FAAP100: variants seen among roughly 807,000 people sequenced by gnomAD.
The protein encoded by FAAP100 is Fanconi anemia core complex-associated protein 100.
In FAAP100, 46 loss-of-function variants were observed where a neutral mutation model predicts 65.8. That is an observed-to-expected ratio of 0.70 (90% CI 0.55 to 0.89). The LOEUF (loss-of-function observed/expected upper bound fraction) is 0.89. Among genes scored for constraint, FAAP100 ranks in the 40% least tolerant of loss-of-function variants. The pLI, the probability that FAAP100 is intolerant of heterozygous loss-of-function variation, is 0.00. For synonymous variants in FAAP100, 663 were observed against 555.1 expected (o/e 1.19, Z -2.73); for missense variants, 1,165 against 1,196.7 (o/e 0.97, Z 0.39).
intron 3 of FAAP100, 66 bp downstream of exon 3, chr17:81,550,182 A>G: frequency 7.0e-7 from 1 of 1,427,288 alleles, no homozygotes; most frequent in South Asian, 1.3e-5. Context: ...GCCTGATAGT[A>G]GCAGACAGCC....
At chr17:81,546,850 T>C (rs1425231866) in intron 5 of FAAP100, 59 bp downstream of exon 5, 1 of 1,331,444 alleles carries the variant, frequency 7.5e-7, no homozygotes, top group Non-Finnish European at 9.7e-7. Context: ...CAAGTTCCTG[T>C]CTCTTAAAAA....
chr17:81,551,713 C>T, intron 2 of FAAP100: 1 of 1,336,606 alleles, frequency 7.5e-7, no homozygotes, highest in Non-Finnish European at 9.5e-7. Context: ...GTGGGCTTAA[C>T]CATGTGAACC....
Position 81,547,951 on chromosome 17 carries a change from C to T in FAAP100, c.1404-273G>A, listed in dbSNP as rs374278290. ...GAGGACAGAGGATGAAGCTGGTGCT[C>T]CGGGGACCTAGGCTAATCTGCCAGG... On this transcript the variant is annotated intron_variant, in intron 4 of 8. Transcript: ENST00000327787. The T allele has an allele frequency of 1.6e-4, 111 of 703,988 alleles. 1 individual carries two copies. Among genetic ancestry groups the T allele is most frequent in the East Asian group, 9.9e-4 (37 of 37,288 alleles). 43.6% of individuals were successfully genotyped at this position (703,988 alleles called of 1,614,324 possible). A position where few individuals can be genotyped will look rare whatever the true frequency, so the allele number is the denominator to read the frequency against.
chr17:81,540,303 C>A lies in FAAP100; in HGVS notation c.*516G>T. On this transcript the variant is annotated 3_prime_UTR_variant, in exon 9 of 9. Coordinates refer to ENST00000327787, the MANE Select transcript of FAAP100 (RefSeq NM_025161.6). ...TACCTCGGGGTCCCAGAGTGGGCAG[C>A]CGGGCAGGTGTGAACAGTGTGACAA... The A allele has an allele frequency of 2.5e-6, 1 of 398,922 alleles. No individual in the cohort carries two copies. The highest frequency in any genetic ancestry group is 4.4e-6 in the Non-Finnish European group (1 of 226,146). The allele number at this position is 398,922 out of a possible 1,614,324, so 24.7% of individuals were successfully genotyped here.
intron 3 of FAAP100, 75 bp from the exon 4 acceptor site, chr17:81,549,437 T>C (rs903998985): frequency 6.6e-6 from 10 of 1,516,798 alleles, no homozygotes; most frequent in African/African-American, 1.4e-5. Flanking sequence ...GGTGTTTCCC[T>C]GGACTCCAGG....
chr17:81,552,028 C>G lies in FAAP100; in HGVS notation c.190G>C (p.Val64Leu), dbSNP rs753798229. The change falls in exon 2 of 9, where the codon GTG becomes CTG. Residue 64 changes from valine (V) to leucine (L), a missense_variant. Val to Leu is a conservative substitution (Grantham distance 32). Coordinates refer to ENST00000327787, the MANE Select transcript of FAAP100 (RefSeq NM_025161.6). ...GGCGCCAGCAGCTCCAGGTGCCACA[C>G]CTGGTCGGGGAACCGGAACGCCGCC... ...LTAAFRFPDQ[V>L]WHLELLAPRR... 1 of 1,544,354 alleles carries G rather than the reference C, an allele frequency of 6.5e-7. No individual in the cohort carries two copies. Among genetic ancestry groups the G allele is most frequent in the South Asian group, 1.2e-5 (1 of 84,064 alleles).
chr17:81,541,987 G>A (rs975367381), intron 7 of FAAP100, among the ~76,000 whole-genome samples: 5 of 151,556 alleles, frequency 3.3e-5, no homozygotes, highest in Admixed American at 2.0e-4. Context: ...CTAAAACGGT[G>A]AAACCCCGTC....
chr17:81,543,987 C>G lies in FAAP100; in HGVS notation c.2427+17G>C. On this transcript the variant is annotated intron_variant, in intron 7 of 8. Coordinates refer to ENST00000327787, the MANE Select transcript of FAAP100 (RefSeq NM_025161.6). ...GACCCACAGATCCTGGCCACCTTCC[C>G]CAGCGGGCCGACATACCTGCATGCG... is the stretch of plus-strand genomic sequence containing the variant. The G allele has an allele frequency of 6.2e-7, 1 of 1,600,118 alleles. No homozygotes were observed. Among genetic ancestry groups the G allele is most frequent in the Non-Finnish European group, 8.5e-7 (1 of 1,170,608 alleles).
At chr17:81,544,906 C>G (rs1164796517) in intron 6 of FAAP100, among the ~76,000 whole-genome samples, 1 of 152,196 alleles carries the variant, frequency 6.6e-6, no homozygotes, top group Admixed American at 6.5e-5. Context: ...CAGTGGCTCA[C>G]GCCTGTAATC....
chr17:81,550,542 G>A lies in FAAP100; in HGVS notation c.952C>T (p.His318Tyr), dbSNP rs751603864. 1.6e-5 allele frequency: 25 copies of A among 1,612,784 alleles called. No homozygotes were observed. In the African/African-American group the frequency reaches 2.3e-4, roughly 15 times the overall value. ...GCCTTGATGGCCAGCATCCGGCCGT[G>A]GTGACCAAAGGCCACCAGGCAGTCA... is the stretch of plus-strand genomic sequence containing the variant. The part of the protein sequence containing the change: ...HCDCLVAFGH[H>Y]GRMLAIKASW... The change falls in exon 3 of 9, where the codon CAC becomes TAC. Residue 318 changes from histidine (H) to tyrosine (Y), a missense_variant. Transcript: ENST00000327787.
At position 81,540,820 on chromosome 17, in the gene FAAP100, C is replaced by T. The variant is rs2033063404; in HGVS notation, c.2645G>A (p.Ter882=). The part of the protein sequence containing the change: ...QLRHPSLILL[*] ...GAGCCCAGGGGCAGGCCCGCCTGGT[C>T]ACAGCAGGATGAGGCTGGGGTGGCG... Residue 882 remains the stop codon, a stop_retained_variant, in exon 9 of 9, where the codon TGA becomes TAA. Transcript: ENST00000327787. 2 of 1,524,040 alleles carry T rather than the reference C, an allele frequency of 1.3e-6. No individual in the cohort carries two copies. The highest frequency in any genetic ancestry group is 1.8e-6 in the Non-Finnish European group (2 of 1,136,334). 94.4% of individuals were successfully genotyped at this position (1,524,040 alleles called of 1,614,324 possible).
chr17:81,547,225 A>G lies in FAAP100; in HGVS notation c.1857T>C (p.Ser619=), dbSNP rs767317774. Residue 619 remains serine (S), a synonymous_variant, in exon 5 of 9, where the codon TCT becomes TCC. Transcript: ENST00000327787. ...GGCACTCATCCAGAAAGGGGTCCTC[A>G]GAGTCTGAGGGGGCAAGGGCCCCGC... is the stretch of plus-strand genomic sequence containing the variant. The part of the protein sequence containing the change: ...VVGGALAPSD[S]EDPFLDECPS... 1.3e-5 allele frequency: 21 copies of G among 1,576,070 alleles called. No individual in the cohort carries two copies. Among genetic ancestry groups the G allele is most frequent in the Non-Finnish European group, 1.7e-5 (20 of 1,158,400 alleles).
chr17:81,544,818 C>T (rs1300949665), intron 6 of FAAP100, among the ~76,000 whole-genome samples: 9 of 152,228 alleles, frequency 5.9e-5, no homozygotes, highest in Non-Finnish European at 1.0e-4. Context: ...AGCATCAGGG[C>T]TGAAAGGGCT....
intron 6 of FAAP100, 104 bp downstream of exon 6, chr17:81,545,642 G>A (rs2033271714): frequency 7.1e-7 from 1 of 1,416,406 alleles, no homozygotes. Flanking sequence ...GGAAAAGGCT[G>A]CCAGGCCCCC....
intron 7 of FAAP100, among the ~76,000 whole-genome samples, chr17:81,542,708 A>G (rs1220074310): frequency 6.6e-6 from 1 of 152,222 alleles, no homozygotes; most frequent in Non-Finnish European, 1.5e-5. Context: ...GCCAGCACTC[A>G]GAGCCTGGCT....
At chr17:81,552,389 G>A (rs993227445), upstream of FAAP100, 25 of 1,301,254 alleles carry the variant, frequency 1.9e-5, no homozygotes, top group African/African-American at 3.0e-4. Context: ...GCTCCGCCTC[G>A]GAGCGCTTTA....
Position 81,539,994 on chromosome 17 carries a change from T to C in FAAP100, c.*825A>G, listed in dbSNP as rs1038399107. The C allele has an allele frequency of 2.5e-6, 1 of 398,482 alleles. No homozygotes were observed. The allele number at this position is 398,482 out of a possible 1,614,324, so 24.7% of individuals were successfully genotyped here. On this transcript the variant is annotated 3_prime_UTR_variant, in exon 9 of 9. Coordinates refer to ENST00000327787, the MANE Select transcript of FAAP100 (RefSeq NM_025161.6). ...TGCAGCGGGAGCGGCGCGAGCACCCTCCCCAGATGAAAACACCAGCACCAG... is the reference window on the plus strand; with the variant it reads ...TGCAGCGGGAGCGGCGCGAGCACCCCCCCCAGATGAAAACACCAGCACCAG...
At chr17:81,548,652 T>G (rs554501374) in intron 4 of FAAP100, among the ~76,000 whole-genome samples, 2 of 151,670 alleles carry the variant, frequency 1.3e-5, no homozygotes, top group African/African-American at 4.8e-5. Context: ...GGCGGGAGAA[T>G]CACTTGAACC....
chr17:81,547,825 C>A (rs1216059666), intron 4 of FAAP100, 147 bp from the exon 5 acceptor site: 7 of 1,014,686 alleles, frequency 6.9e-6, no homozygotes, highest in South Asian at 1.3e-5. Context: ...TGAGCCCCCG[C>A]CCCAGGGGCA....
Sources: gnomAD v4.1 joint callset for allele counts (sites outside exome capture counted in the v4.1 genomes callset) on GRCh38, gnomAD v4.1.1 for gene constraint, MANE v1.5 for transcripts, NCBI Gene and HGNC (gene_info 2026-07-23, HGNC 2026-07-21) for gene names.